The following CLOCK variants were observed in gnomAD, a reference collection of about 807,000 sequenced individuals.
The protein encoded by CLOCK is circadian locomoter output cycles protein kaput.
CLOCK carries 43 observed loss-of-function variants against 118.4 expected under a neutral mutation model. That is an observed-to-expected ratio of 0.36 (90% CI 0.28 to 0.47). The LOEUF (loss-of-function observed/expected upper bound fraction) is 0.47. Ranked by LOEUF, CLOCK falls within the 20% of genes least tolerant of loss-of-function variation. The probability of loss-of-function intolerance (pLI) is 1.00; values close to 1 mark genes in which losing one functional copy is unlikely to be tolerated. For synonymous variants in CLOCK, 326 were observed against 339.2 expected, an observed-to-expected ratio of 0.96 and a Z score of 0.43; for missense variants, 846 against 999.9, an observed-to-expected ratio of 0.85 and a Z score of 2.08.
intron 21 of CLOCK, among the ~76,000 whole-genome samples, chr4:55,441,174 CA>C (rs1723338712): frequency 6.6e-6 from 1 of 152,158 alleles, no homozygotes; most frequent in South Asian, 2.1e-4. Flanking sequence ...CTGTCCCCCT[CA>C]AAAGATAGAT....
chr4:55,443,074 T>A (rs1477618695), intron 20 of CLOCK, among the ~76,000 whole-genome samples: 1 of 152,196 alleles, frequency 6.6e-6, no homozygotes, highest in Non-Finnish European at 1.5e-5. Context: ...GGGAACAGGC[T>A]TCCTGGTCAG....
intron 1 of CLOCK, chr4:55,546,018 TCGGACTG>T (rs992344040): frequency 6.6e-6 from 1 of 152,230 alleles, no homozygotes; most frequent in Admixed American, 6.5e-5. Flanking sequence ...CGGCGGCCGT[TCGGACTG>T]CGGACTGCGG....
chr4:55,506,043 C>A (rs1439744991), intron 2 of CLOCK, among the ~76,000 whole-genome samples: 1 of 152,024 alleles, frequency 6.6e-6, no homozygotes, highest in Non-Finnish European at 1.5e-5. Flanking sequence ...TATACAGTAT[C>A]TTAATGTAAT....
chr4:55,537,713 G>A (rs897896577), intron 1 of CLOCK, among the ~76,000 whole-genome samples: 1 of 152,216 alleles, frequency 6.6e-6, no homozygotes, highest in Non-Finnish European at 1.5e-5. Flanking sequence ...AGGATCACTT[G>A]AGCCTGAGAG....
Position 55,482,822 on chromosome 4 carries a change from A to C in CLOCK, c.-37T>G. The C allele has an allele frequency of 1.3e-6, 2 of 1,488,234 alleles. No homozygotes were observed. The highest frequency in any genetic ancestry group is 1.9e-6 in the Non-Finnish European group (2 of 1,072,624). The allele number at this position is 1,488,234 out of a possible 1,614,324, so 92.2% of individuals were successfully genotyped here. On this transcript the variant is annotated 5_prime_UTR_variant, in exon 4 of 23. Transcript: ENST00000513440. ...TTTTCGTCTTGTAGTAGACATTTGT[A>C]CTTCTCCTTAGGTGAAAAGAAAAAT...
intron 3 of CLOCK, among the ~76,000 whole-genome samples, chr4:55,483,835 C>G (rs1727105061): frequency 1.3e-5 from 2 of 152,212 alleles, no homozygotes; most frequent in African/African-American, 4.8e-5. Context: ...GTCTCATACC[C>G]AAATTGAAGG....
Position 55,498,603 on chromosome 4 carries a change from C to CTTATTATTATTATTA in CLOCK, c.-135-9153_-135-9139dup, listed in dbSNP as rs56413931. Among the ~76,000 whole-genome samples the CTTATTATTATTATTA allele has an allele frequency of 2.9e-3, 425 of 148,684 alleles. 5 individuals carry two copies. Among genetic ancestry groups the CTTATTATTATTATTA allele is most frequent in the African/African-American group, 9.9e-3 (402 of 40,470 alleles). On this transcript the variant is annotated intron_variant, in intron 2 of 22. Coordinates refer to ENST00000513440, the MANE Select transcript of CLOCK (RefSeq NM_004898.4). ...TTTAAAAAATTGATCTATCTAGTTC[C>CTTATTATTATTATTA]TTATTATTATTATTATTATTATTTT...
chr4:55,544,784 A>G (rs916958027), intron 1 of CLOCK, among the ~76,000 whole-genome samples: 1 of 152,210 alleles, frequency 6.6e-6, no homozygotes, highest in African/African-American at 2.4e-5. Context: ...CCATTCCCTC[A>G]GACTATTTCT....
intron 11 of CLOCK, among the ~76,000 whole-genome samples, chr4:55,458,173 G>A (rs182915570): frequency 1.3e-5 from 2 of 152,226 alleles, no homozygotes; most frequent in Admixed American, 6.5e-5. Context: ...TGATCCTCCT[G>A]CCTCAGCCTC....
intron 15 of CLOCK, among the ~76,000 whole-genome samples, chr4:55,450,472 A>G (rs1330209148): frequency 6.6e-6 from 1 of 152,222 alleles, no homozygotes; most frequent in African/African-American, 2.4e-5. Flanking sequence ...CACCATATAC[A>G]AAAATTAACT....
chr4:55,485,529 A>G (rs1290215171), intron 3 of CLOCK, among the ~76,000 whole-genome samples: 4 of 152,236 alleles, frequency 2.6e-5, no homozygotes, highest in Admixed American at 2.0e-4. Context: ...CTAGAGTCAC[A>G]CTTGTCCATG....
intron 8 of CLOCK, among the ~76,000 whole-genome samples, chr4:55,469,542 G>C (rs1429351272): frequency 1.3e-5 from 2 of 152,192 alleles, no homozygotes; most frequent in Non-Finnish European, 2.9e-5. Context: ...TGTGGAGGTG[G>C]AGGACAGTGA....
At chr4:55,447,651 C>G (rs1242362027) in intron 18 of CLOCK, among the ~76,000 whole-genome samples, 1 of 151,850 alleles carries the variant, frequency 6.6e-6, no homozygotes, top group East Asian at 1.9e-4. Flanking sequence ...GAAAATATCC[C>G]CATAACATGT....
Position 55,431,640 on chromosome 4 carries a change from G to A in CLOCK, c.*3775C>T, listed in dbSNP as rs1046064127. On this transcript the variant is annotated 3_prime_UTR_variant, in exon 23 of 23. Transcript: ENST00000513440. ...TGGGACTAAGGGCCACAGGTAATTG[G>A]AAAGGTTATAGACTTGAATGCGTTT... 3.3e-5 allele frequency: 5 copies of A among 152,120 alleles called. No homozygotes were observed. The highest frequency in any genetic ancestry group is 5.9e-5 in the Non-Finnish European group (4 of 68,014). The allele number at this position is 152,120 out of a possible 1,614,324, so 9.4% of individuals were successfully genotyped here. A position where few individuals can be genotyped will look rare whatever the true frequency, so the allele number is the denominator to read the frequency against.
intron 2 of CLOCK, among the ~76,000 whole-genome samples, chr4:55,494,534 G>A (rs1727927032): frequency 6.6e-6 from 1 of 152,076 alleles, no homozygotes; most frequent in East Asian, 1.9e-4. Context: ...AAAGGCATAA[G>A]AATGATACAA....
intron 8 of CLOCK, among the ~76,000 whole-genome samples, chr4:55,466,773 CCAT>C (rs1468530548): frequency 2.0e-5 from 3 of 152,142 alleles, no homozygotes; most frequent in Non-Finnish European, 4.4e-5. Flanking sequence ...ATGAGGCTGA[CCAT>C]ACTTTATGTG....
intron 2 of CLOCK, among the ~76,000 whole-genome samples, chr4:55,491,185 T>G (rs1023012623): frequency 1.4e-5 from 2 of 146,352 alleles, no homozygotes; most frequent in African/African-American, 5.1e-5. Context: ...GGAATCTTAT[T>G]TCAGTCAATG....
chr4:55,476,150 A>G, intron 6 of CLOCK, 96 bp from the exon 7 acceptor site: 1 of 820,896 alleles, frequency 1.2e-6, no homozygotes, highest in Non-Finnish European at 2.1e-6. Context: ...CTAATTAAAG[A>G]TGACAACCGT....
chr4:55,468,270 T>G (rs534140350), intron 8 of CLOCK, among the ~76,000 whole-genome samples: 1 of 152,276 alleles, frequency 6.6e-6, no homozygotes, highest in African/African-American at 2.4e-5. Flanking sequence ...AGAGGCATTA[T>G]AAGAGTAGTT....
Sources: allele counts gnomAD v4.1 joint callset (sites outside exome capture counted in the v4.1 genomes callset), GRCh38; gene constraint gnomAD v4.1.1; transcripts MANE v1.5; gene names NCBI Gene and HGNC (gene_info 2026-07-23, HGNC 2026-07-21).